Variants in ERC2 observed in about 807,000 individuals in gnomAD.
The protein encoded by ERC2 is ERC protein 2.
Under a neutral mutation model 114.8 loss-of-function variants are expected in ERC2, and 42 were observed. The observed-to-expected ratio is 0.37, with a 90% CI of 0.29 to 0.47. ERC2 has a LOEUF of 0.47. Among genes scored for constraint, ERC2 ranks in the 20% least tolerant of loss-of-function variants. The pLI is 0.99. For missense variants in ERC2, 939 were observed against 1,150.7 expected, an observed-to-expected ratio of 0.82 and a Z score of 2.66; for synonymous variants, 454 against 425.5, an observed-to-expected ratio of 1.07 and a Z score of -0.82.
intron 2 of ERC2, among the ~76,000 whole-genome samples, chr3:56,415,524 G>T (rs566301985): frequency 2.0e-5 from 3 of 152,300 alleles, no homozygotes; most frequent in African/African-American, 7.2e-5. Context: ...ATTTAAGAAA[G>T]CCATGAGTAA....
chr3:55,745,110 C>T (rs555809020), intron 14 of ERC2, among the ~76,000 whole-genome samples: 7 of 152,282 alleles, frequency 4.6e-5, no homozygotes, highest in South Asian at 2.1e-4. Context: ...TTAAGCTGCA[C>T]ATTTGACTTT....
At chr3:56,194,223 GC>G (rs2047957700) in intron 3 of ERC2, among the ~76,000 whole-genome samples, 1 of 151,928 alleles carries the variant, frequency 6.6e-6, no homozygotes, top group African/African-American at 2.4e-5. Flanking sequence ...GTTGAATAGT[GC>G]CCCCTCCTCC....
At chr3:55,528,535 A>C (rs922518547) in intron 17 of ERC2, among the ~76,000 whole-genome samples, 3 of 148,760 alleles carry the variant, frequency 2.0e-5, no homozygotes, top group Non-Finnish European at 4.5e-5. Context: ...TTTATTTGAC[A>C]AAAAAAAAAA....
At chr3:56,116,203 G>T (rs1470394958) in intron 6 of ERC2, among the ~76,000 whole-genome samples, 4 of 152,118 alleles carry the variant, frequency 2.6e-5, no homozygotes, top group Admixed American at 2.6e-4. Flanking sequence ...TGAATAAAAA[G>T]AAAATCTTTT....
At chr3:55,740,660 C>G (rs2065918520) in intron 14 of ERC2, among the ~76,000 whole-genome samples, 1 of 152,154 alleles carries the variant, frequency 6.6e-6, no homozygotes, top group South Asian at 2.1e-4. Flanking sequence ...TAAGGCTTAT[C>G]TGGCTATTAC....
At chr3:56,363,921 G>A (rs956987290) in intron 2 of ERC2, among the ~76,000 whole-genome samples, 1 of 151,740 alleles carries the variant, frequency 6.6e-6, no homozygotes, top group Non-Finnish European at 1.5e-5. Flanking sequence ...AGGGTAGGAA[G>A]GGAAGGAAAG....
chr3:55,835,845 T>A (rs1415060650), intron 14 of ERC2, among the ~76,000 whole-genome samples: 3 of 151,876 alleles, frequency 2.0e-5, no homozygotes, highest in Non-Finnish European at 4.4e-5. Flanking sequence ...ATTGTATATC[T>A]AGAAAACCCC....
chr3:55,878,314 G>A (rs956728707), intron 14 of ERC2, among the ~76,000 whole-genome samples: 12 of 152,098 alleles, frequency 7.9e-5, no homozygotes, highest in East Asian at 3.9e-4. Context: ...GTTTTTGGCC[G>A]GAAGACAGTG....
At chr3:56,161,008 G>A (rs1039174229) in intron 4 of ERC2, among the ~76,000 whole-genome samples, 2 of 152,172 alleles carry the variant, frequency 1.3e-5, no homozygotes, top group South Asian at 2.1e-4. Flanking sequence ...AATGTTGGAG[G>A]TGGGGCCTGG....
intron 2 of ERC2, among the ~76,000 whole-genome samples, chr3:56,367,821 A>T (rs2059207205): frequency 2.0e-5 from 3 of 151,862 alleles, no homozygotes; most frequent in Non-Finnish European, 2.9e-5. Flanking sequence ...TTTCACAATT[A>T]AAAAAAATCA....
intron 6 of ERC2, among the ~76,000 whole-genome samples, chr3:56,082,071 T>C (rs942594940): frequency 2.7e-5 from 4 of 149,616 alleles, no homozygotes; most frequent in Non-Finnish European, 5.9e-5. Flanking sequence ...ACTTTTTTTA[T>C]TGGATATATA....
intron 3 of ERC2, among the ~76,000 whole-genome samples, chr3:56,277,919 G>C (rs150571941): frequency 6.6e-6 from 1 of 152,294 alleles, no homozygotes; most frequent in African/African-American, 2.4e-5. Context: ...AGGCAGAGTA[G>C]CCCGAGGATT....
chr3:56,018,521 G>A (rs2073464626), intron 8 of ERC2, among the ~76,000 whole-genome samples: 1 of 152,134 alleles, frequency 6.6e-6, no homozygotes, highest in South Asian at 2.1e-4. Flanking sequence ...GGATGAGGCT[G>A]GAAATGAAAG....
chr3:56,029,473 AG>A (rs2074247535), intron 7 of ERC2, among the ~76,000 whole-genome samples: 1 of 152,100 alleles, frequency 6.6e-6, no homozygotes. Context: ...TTTCTTTTTC[AG>A]GAGCCTTTTA....
intron 15 of ERC2, among the ~76,000 whole-genome samples, chr3:55,711,603 A>G (rs2063783014): frequency 6.6e-6 from 1 of 152,236 alleles, no homozygotes; most frequent in African/African-American, 2.4e-5. Flanking sequence ...AAGGGAAGAT[A>G]TCTTTTTTTC....
At chr3:55,761,975 C>CCT (rs1326148990) in intron 14 of ERC2, among the ~76,000 whole-genome samples, 9 of 115,606 alleles carry the variant, frequency 7.8e-5, no homozygotes, top group East Asian at 3.0e-4. Context: ...TCCCTCCCTT[C>CCT]CTCTCTCTCT....
chr3:56,315,391 G>A (rs749252951), intron 2 of ERC2, among the ~76,000 whole-genome samples: 3 of 152,126 alleles, frequency 2.0e-5, no homozygotes, highest in Non-Finnish European at 4.4e-5. Flanking sequence ...AAAGGAAATG[G>A]TTGTTTTGCA....
At chr3:55,571,301 T>C (rs2056701035) in intron 17 of ERC2, among the ~76,000 whole-genome samples, 1 of 152,076 alleles carries the variant, frequency 6.6e-6, no homozygotes, top group Non-Finnish European at 1.5e-5. Flanking sequence ...CTTAGGGACC[T>C]GAAGGACACT....
chr3:56,272,385 G>C (rs900062488), intron 3 of ERC2, among the ~76,000 whole-genome samples: 1 of 152,180 alleles, frequency 6.6e-6, no homozygotes, highest in Non-Finnish European at 1.5e-5. Context: ...GCCTAAATAG[G>C]CCAGGTTGAA....
Sources: allele counts gnomAD v4.1 joint callset (sites outside exome capture counted in the v4.1 genomes callset), GRCh38; gene constraint gnomAD v4.1.1; transcripts MANE v1.5; gene names NCBI Gene and HGNC (gene_info 2026-07-23, HGNC 2026-07-21).